The following NCMAP variants were observed in gnomAD, a reference collection of about 807,000 sequenced individuals.
NCMAP encodes the protein non-compact myelin associated protein, also known as noncompact myelin-associated protein.
In NCMAP, 8 loss-of-function variants were observed where a neutral mutation model predicts 7.8. The observed-to-expected ratio is 1.02, with a 90% CI of 0.60 to 1.84. The LOEUF (loss-of-function observed/expected upper bound fraction) is 1.84, where lower values mean the gene tolerates loss of function less well. Among genes scored for constraint, NCMAP ranks in the 40% most tolerant of loss-of-function variants. The pLI is 0.00. For synonymous variants in NCMAP, 41 were observed against 52.9 expected, an observed-to-expected ratio of 0.78 and a Z score of 0.98; for missense variants, 112 against 131.4, an observed-to-expected ratio of 0.85 and a Z score of 0.72.
At chr1:24,561,464 T>G (rs1411751913) in intron 1 of NCMAP, among the ~76,000 whole-genome samples, 4 of 152,188 alleles carry the variant, frequency 2.6e-5, no homozygotes, top group African/African-American at 9.7e-5. Context: ...AATAAAAACA[T>G]TTTTTGTGGG....
intron 2 of NCMAP, among the ~76,000 whole-genome samples, chr1:24,598,373 G>A (rs1293182649): frequency 6.6e-6 from 1 of 152,002 alleles, no homozygotes; most frequent in Non-Finnish European, 1.5e-5. Context: ...TAGAGGTCGT[G>A]GTTCCCCTTC....
rs546932754 is a variant in NCMAP at position 24,574,246 on chromosome 1, G to A, written c.-8+18077G>A. Reference sequence around the variant, plus strand: ...TGATTCTCCTGCCTCAGACTGCTGAGTAGCTGGAATTACAGGTGCGTGCCA... The same window carrying A: ...TGATTCTCCTGCCTCAGACTGCTGAATAGCTGGAATTACAGGTGCGTGCCA... On this transcript the variant is annotated intron_variant, in intron 1 of 3. Transcript: ENST00000374392. 3.3e-5 allele frequency among the ~76,000 whole-genome samples: 5 copies of A among 150,654 alleles called. No individual in the cohort carries two copies. In the South Asian group the frequency reaches 8.3e-4, roughly 25 times the overall value.
intron 2 of NCMAP, among the ~76,000 whole-genome samples, chr1:24,599,833 C>CG (rs1652412103): frequency 1.1e-5 from 1 of 89,202 alleles, no homozygotes; most frequent in Non-Finnish European, 2.6e-5. Flanking sequence ...CCCCCCCCCC[C>CG]CCCCCCTTGG....
intron 2 of NCMAP, among the ~76,000 whole-genome samples, chr1:24,598,626 CTTTCTTTTTTT>C (rs1557603060): frequency 6.6e-6 from 1 of 150,572 alleles, no homozygotes; most frequent in Non-Finnish European, 1.5e-5. Flanking sequence ...CTTTTCTTTT[CTTTCTTTTTTT>C]TTTCTTTTTT....
chr1:24,587,675 G>A (rs1200487770), intron 1 of NCMAP, among the ~76,000 whole-genome samples: 4 of 151,954 alleles, frequency 2.6e-5, no homozygotes, highest in South Asian at 2.1e-4. Flanking sequence ...CAATATGCCC[G>A]GCTAATTTTT....
In NCMAP at chr1:24,595,427, C is replaced by T. The variant is rs376254998; in HGVS notation, c.-4C>T. ...ATATCTTCTTCTTTCTCATCAGGAT[C>T]GAGATGACCACAGCCACCCCTCTGG... is the stretch of plus-strand genomic sequence containing the variant. On this transcript the variant is annotated 5_prime_UTR_variant, in exon 2 of 4. Transcript: ENST00000374392. The T allele has an allele frequency of 2.5e-5, 40 of 1,606,316 alleles. 1 individual carries two copies. Among genetic ancestry groups the T allele is most frequent in the South Asian group, 3.3e-5 (3 of 90,838 alleles).
chr1:24,603,250 T>A (rs893565800), intron 3 of NCMAP, among the ~76,000 whole-genome samples: 5 of 152,076 alleles, frequency 3.3e-5, no homozygotes, highest in Non-Finnish European at 7.4e-5. Flanking sequence ...GACTAAATCA[T>A]ATGCCCAAGG....
At chr1:24,596,236 G>A (rs1457227650) in intron 2 of NCMAP, among the ~76,000 whole-genome samples, 2 of 152,304 alleles carry the variant, frequency 1.3e-5, no homozygotes, top group South Asian at 2.1e-4. Flanking sequence ...TCGTGCCACT[G>A]CACTCCAGCC....
intron 1 of NCMAP, among the ~76,000 whole-genome samples, chr1:24,564,670 A>G (rs61669957): frequency 0.48 from 73,454 of 151,826 alleles, 19,584 homozygotes; most frequent in African/African-American, 0.7. Flanking sequence ...TTAAATGAGT[A>G]CAGATTGAAA....
intron 2 of NCMAP, among the ~76,000 whole-genome samples, chr1:24,596,314 C>T (rs1652223322): frequency 1.3e-5 from 2 of 151,956 alleles, no homozygotes; most frequent in South Asian, 2.1e-4. Context: ...CTATTGTTTT[C>T]GTTAAAAAGT....
intron 1 of NCMAP, chr1:24,563,698 T>C (rs1049288731): frequency 2.6e-5 from 4 of 152,302 alleles, no homozygotes; most frequent in Admixed American, 6.5e-5. Flanking sequence ...AGAAATATAA[T>C]GTTCGGTCCA....
intron 1 of NCMAP, among the ~76,000 whole-genome samples, chr1:24,560,040 G>A (rs892055127): frequency 6.6e-6 from 1 of 151,736 alleles, no homozygotes; most frequent in South Asian, 2.1e-4. Context: ...GGGCGCCTGT[G>A]GTCCCAGCTA....
chr1:24,601,822 C>T (rs186247785), intron 3 of NCMAP, among the ~76,000 whole-genome samples: 75 of 152,176 alleles, frequency 4.9e-4, no homozygotes, highest in African/African-American at 1.7e-3. Flanking sequence ...GGGCAGATAA[C>T]GAGGTCAGGA....
intron 1 of NCMAP, among the ~76,000 whole-genome samples, chr1:24,593,708 A>T (rs548484632): frequency 6.6e-6 from 1 of 152,226 alleles, no homozygotes; most frequent in South Asian, 2.1e-4. Context: ...TGGCTTCTTA[A>T]GATTACAAAC....
intron 2 of NCMAP, among the ~76,000 whole-genome samples, chr1:24,599,835 CCCCCTT>C: frequency 1.3e-5 from 1 of 79,020 alleles, no homozygotes; most frequent in African/African-American, 4.6e-5. Context: ...CCCCCCCCCC[CCCCCTT>C]GGCCTCCCAA....
chr1:24,570,461 C>G (rs994638827), intron 1 of NCMAP, among the ~76,000 whole-genome samples: 1 of 150,796 alleles, frequency 6.6e-6, no homozygotes, highest in Non-Finnish European at 1.5e-5. Flanking sequence ...TGCCACTGCA[C>G]TCCAGCCTGG....
intron 1 of NCMAP, among the ~76,000 whole-genome samples, chr1:24,557,394 CAT>C (rs1000222120): frequency 2.2e-4 from 33 of 151,244 alleles, no homozygotes; most frequent in African/African-American, 7.3e-4. Context: ...TGTATGTGTG[CAT>C]GTGTGTGTGT....
chr1:24,589,267 G>A (rs1480702747), intron 1 of NCMAP, among the ~76,000 whole-genome samples: 1 of 151,962 alleles, frequency 6.6e-6, no homozygotes, highest in Non-Finnish European at 1.5e-5. Context: ...GTTTTCTATG[G>A]TCATGGCCCC....
At chr1:24,558,450 T>C (rs1650966612) in intron 1 of NCMAP, among the ~76,000 whole-genome samples, 1 of 152,208 alleles carries the variant, frequency 6.6e-6, no homozygotes, top group South Asian at 2.1e-4. Context: ...TGTTTCATCG[T>C]GTGGTCCCCC....
Sources: gnomAD v4.1 joint callset for allele counts (sites outside exome capture counted in the v4.1 genomes callset) on GRCh38, gnomAD v4.1.1 for gene constraint, MANE v1.5 for transcripts, NCBI Gene and HGNC (gene_info 2026-07-23, HGNC 2026-07-21) for gene names.